Variants in TET3 observed in about 807,000 individuals in gnomAD.
The protein encoded by TET3 is methylcytosine dioxygenase TET3.
In TET3, 19 loss-of-function variants were observed where a neutral mutation model predicts 141.4. That is an observed-to-expected ratio of 0.13 (90% confidence interval 0.09 to 0.20). TET3 has a LOEUF of 0.20. Ranked by LOEUF, TET3 falls within the 10% of genes least tolerant of loss-of-function variation. TET3 has a pLI of 1.00. For synonymous variants in TET3, 1,043 were observed against 980.9 expected, an observed-to-expected ratio of 1.06 and a Z score of -1.18; for missense variants, 1,874 against 2,356.9, an observed-to-expected ratio of 0.80 and a Z score of 4.24.
At position 74,101,178 on chromosome 2, in the gene TET3, A is replaced by G. The variant is rs764840034; in HGVS notation, c.4390A>G (p.Ser1464Gly). Residue 1464 changes from serine (S) to glycine (G), a missense_variant, in exon 12 of 12, where the codon AGT (serine) becomes GGT (glycine). Ser to Gly is a moderately conservative substitution (Grantham distance 56, BLOSUM62 0). This residue lies in a region of TET3 where 602 missense variants were observed against 590.2 expected (regional missense o/e 1.02). Transcript: ENST00000409262. The surrounding 1 kb of genome is among the most constrained non-coding windows in gnomAD (Gnocchi z 8.5). ...CTGGGGTGTGTTCTCGTCTGGGGAG[A>G]GTCCTGCCATCGTCCCTGACAAGCT... ...GSWGVFSSGE[S>G]PAIVPDKLSS... is the part of the protein sequence containing the mutation. 6.2e-7 allele frequency: 1 copy of G among 1,613,722 alleles called. No individual in the cohort carries two copies. The highest frequency in any genetic ancestry group is 8.5e-7 in the Non-Finnish European group (1 of 1,179,850).
downstream of TET3, among the ~76,000 whole-genome samples, chr2:74,109,801 C>T (rs192238936): frequency 1.3e-5 from 2 of 152,248 alleles, no homozygotes; most frequent in South Asian, 4.1e-4. Context: ...AGATGGGATC[C>T]GGCTCATGCA....
At chr2:74,030,783 C>T (rs1238161814) in intron 3 of TET3, among the ~76,000 whole-genome samples, 1 of 152,046 alleles carries the variant, frequency 6.6e-6, no homozygotes, top group East Asian at 1.9e-4. Flanking sequence ...GGAGCCACCT[C>T]CTGAGTTTGT....
chr2:74,065,028 C>T (rs1166584060), intron 4 of TET3, among the ~76,000 whole-genome samples: 1 of 152,188 alleles, frequency 6.6e-6, no homozygotes. Context: ...AACTCATTTA[C>T]TGCATTTAGC....
rs760284654 is a variant in TET3 at position 74,105,042 on chromosome 2, T to TC, written c.*2873dup. ...AAAAGTAACTATGCACAGCTCTTTATCCCCCCCTTGCTGCTGAAGCTTTCT... is the reference window on the plus strand; with the variant it reads ...AAAAGTAACTATGCACAGCTCTTTATCCCCCCCCTTGCTGCTGAAGCTTTCT... On this transcript the variant is annotated 3_prime_UTR_variant, in exon 12 of 12. Transcript: ENST00000409262. 11 of 397,516 alleles carry TC rather than the reference T, an allele frequency of 2.8e-5. No homozygotes were observed. The highest frequency in any genetic ancestry group is 8.2e-5 in the African/African-American group (4 of 48,576). The allele number at this position is 397,516 out of a possible 1,614,324, so 24.6% of individuals were successfully genotyped here.
rs1247751612 is a variant in TET3, at chr2:74,087,188, CT to C, written c.2680-641del. Among the ~76,000 whole-genome samples, 6 of 152,174 alleles carry C rather than the reference CT, an allele frequency of 3.9e-5. No homozygotes were observed. The highest frequency in any genetic ancestry group is 8.8e-5 in the Non-Finnish European group (6 of 68,028). On this transcript the variant is annotated intron_variant, in intron 6 of 11. Coordinates refer to ENST00000409262, the MANE Select transcript of TET3 (RefSeq NM_001287491.2). The surrounding 1 kb of genome is among the most constrained non-coding windows in gnomAD (Gnocchi z 4.3). The stretch of plus-strand genomic sequence containing the variant: ...GGCTGAGTAATACTTGGTTGTCTGT[CT>C]ATACCACGTCGTACTTACCTGTTCA...
At chr2:73,992,444 G>T (rs954725600) in intron 2 of TET3, among the ~76,000 whole-genome samples, 1 of 152,022 alleles carries the variant, frequency 6.6e-6, no homozygotes, top group African/African-American at 2.4e-5. Flanking sequence ...CTCCCGAGTA[G>T]CTGGGATTAC....
chr2:74,052,849 G>A (rs898805861), intron 4 of TET3, among the ~76,000 whole-genome samples: 6 of 152,100 alleles, frequency 3.9e-5, no homozygotes, highest in African/African-American at 1.2e-4. Flanking sequence ...CAGCCTGGGC[G>A]AAAGAGCAAG....
chr2:74,081,895 A>G (rs956562439), intron 6 of TET3, among the ~76,000 whole-genome samples: 1 of 152,194 alleles, frequency 6.6e-6, no homozygotes. Context: ...GGAATCACTT[A>G]GTGTATTCAT....
intron 3 of TET3, among the ~76,000 whole-genome samples, chr2:74,026,504 G>T (rs909460105): frequency 6.6e-6 from 1 of 152,222 alleles, no homozygotes; most frequent in South Asian, 2.1e-4. Context: ...GGAGGTTCCA[G>T]AGTGGTTATT....
chr2:74,032,508 T>TG (rs1491152838), intron 3 of TET3, among the ~76,000 whole-genome samples: 12 of 43,888 alleles, frequency 2.7e-4, no homozygotes, highest in Admixed American at 8.3e-4. Context: ...TGTGTGTGTG[T>TG]TAGGGGAGTT....
chr2:74,023,168 C>G (rs1686146240), intron 3 of TET3, among the ~76,000 whole-genome samples: 1 of 152,200 alleles, frequency 6.6e-6, no homozygotes, highest in Non-Finnish European at 1.5e-5. Flanking sequence ...GTTTCCAAAC[C>G]TGGGTGACCA....
the TET3 span, among the ~76,000 whole-genome samples, chr2:74,128,385 A>G: frequency 1.3e-5 from 2 of 152,336 alleles, no homozygotes; most frequent in Non-Finnish European, 2.9e-5. Context: ...AAAAATAAGG[A>G]AAATCGGAGA....
chr2:74,080,003 A>G (rs143915220), intron 5 of TET3, among the ~76,000 whole-genome samples: 2 of 152,352 alleles, frequency 1.3e-5, no homozygotes, highest in African/African-American at 4.8e-5. Flanking sequence ...TGGGCTTAGT[A>G]GAGCCACTTC....
In TET3 at chr2:74,047,892, C is replaced by T; in HGVS notation, c.1975C>T (p.Pro659Ser). ...PASQGSAVPL[P>S]PEPSLALFAP... ...CTCACAGGGCTCTGCTGTGCCCCTGCCCCCAGAACCTTCTCTTGCGCTATT... is the reference window on the plus strand; with the variant it reads ...CTCACAGGGCTCTGCTGTGCCCCTGTCCCCAGAACCTTCTCTTGCGCTATT... The change falls in exon 4 of 12, where the codon CCC (proline) becomes TCC (serine). Residue 659 changes from proline to serine, a missense_variant. Around this residue, in one of 10 missense-constraint regions of TET3, gnomAD observed 484 missense variants for 462.2 expected, o/e 1.05. Transcript: ENST00000409262. The T allele has an allele frequency of 6.2e-7, 1 of 1,613,172 alleles. No homozygotes were observed. The highest frequency in any genetic ancestry group is 1.1e-5 in the South Asian group (1 of 90,922).
intron 3 of TET3, among the ~76,000 whole-genome samples, chr2:74,022,383 G>T (rs1388745609): frequency 6.6e-6 from 1 of 150,918 alleles, no homozygotes; most frequent in Non-Finnish European, 1.5e-5. Flanking sequence ...GGCAAGTATT[G>T]CAAATTTCTT....
At chr2:74,083,757 T>A (rs1415832250) in intron 6 of TET3, among the ~76,000 whole-genome samples, 1 of 152,174 alleles carries the variant, frequency 6.6e-6, no homozygotes. Flanking sequence ...TCTGCTTGTG[T>A]CTAATGACAT....
intron 2 of TET3, among the ~76,000 whole-genome samples, chr2:73,997,650 T>G (rs948656459): frequency 1.3e-4 from 20 of 152,190 alleles, no homozygotes; most frequent in Admixed American, 1.3e-3. Flanking sequence ...CTGGTGCTGC[T>G]TCAGTTTCCC....
At chr2:74,096,286 C>G in intron 10 of TET3, among the ~76,000 whole-genome samples, 1 of 152,124 alleles carries the variant, frequency 6.6e-6, no homozygotes, top group East Asian at 1.9e-4. Context: ...AGTCGTAGAC[C>G]CACACATAGT....
chr2:74,049,081 A>G (rs114808491), intron 4 of TET3, among the ~76,000 whole-genome samples: 3,080 of 152,216 alleles, frequency 0.02, 35 homozygotes, highest in Middle Eastern at 0.058. Context: ...TGTTGTCATG[A>G]GCCAGGCAAG....
Sources: allele counts gnomAD v4.1 joint callset (sites outside exome capture counted in the v4.1 genomes callset), GRCh38; gene constraint gnomAD v4.1.1; regional missense constraint gnomAD v4.1.1; non-coding constraint Gnocchi (gnomAD v3.1); transcripts MANE v1.5; gene names NCBI Gene and HGNC (gene_info 2026-07-23, HGNC 2026-07-21).